The following DCX variants were observed in gnomAD, a reference collection of about 807,000 sequenced individuals.
DCX encodes neuronal migration protein doublecortin.
DCX carries 4 observed loss-of-function variants against 20.9 expected under a neutral mutation model. That is an observed-to-expected ratio of 0.19 (90% CI 0.09 to 0.44). The LOEUF is 0.44. DCX is among the 20% of genes least tolerant of loss of function. The pLI is 0.99. For missense variants in DCX, 133 were observed against 296.9 expected, an observed-to-expected ratio of 0.45 and a Z score of 4.06; for synonymous variants, 103 against 111.4, an observed-to-expected ratio of 0.92 and a Z score of 0.47.
At position 111,298,545 on chromosome X, in the gene DCX, G is replaced by A. The variant is rs756957490; in HGVS notation, c.*3142C>T. The A allele has an allele frequency of 8.9e-6, 1 of 111,866 alleles. No individual in the cohort carries two copies. The highest frequency in any genetic ancestry group is 3.3e-5 in the African/African-American group (1 of 30,686). The allele number at this position is 111,866 out of a possible 1,213,427, so 9.2% of individuals were successfully genotyped here. A position where few individuals can be genotyped will look rare whatever the true frequency, so the allele number is the denominator to read the frequency against. On this transcript the variant is annotated 3_prime_UTR_variant, in exon 7 of 7. Transcript: ENST00000636035. ...TTAGTGGGAAAAGGCCCTGGAATAA[G>A]AGCCAGGAGATGTGGGTTGTAAACC...
intron 3 of DCX, among the ~76,000 whole-genome samples, chrX:111,357,897 G>T (rs1163814807): frequency 2.7e-5 from 3 of 111,489 alleles, no homozygotes; most frequent in African/African-American, 9.8e-5. Flanking sequence ...ATGTGATCTT[G>T]GCTCACTGCA....
At chrX:111,327,992 G>T (rs1203482729) in intron 5 of DCX, among the ~76,000 whole-genome samples, 1 of 112,418 alleles carries the variant, frequency 8.9e-6, no homozygotes, top group Non-Finnish European at 1.9e-5. Flanking sequence ...TTGCCATAAA[G>T]ATTGTCTAGA....
At chrX:111,385,059 C>T (rs997095036) in intron 3 of DCX, among the ~76,000 whole-genome samples, 1 of 112,570 alleles carries the variant, frequency 8.9e-6, no homozygotes, top group Non-Finnish European at 1.9e-5. Context: ...TGGCAAATGC[C>T]CTGGAAAAGG....
chrX:111,355,086 G>C (rs1312113030), intron 3 of DCX, among the ~76,000 whole-genome samples: 1 of 112,565 alleles, frequency 8.9e-6, no homozygotes, highest in Non-Finnish European at 1.9e-5. Context: ...CCTACACATA[G>C]TTGAAAGAAA....
chrX:111,398,545 C>G (rs1288423124), intron 3 of DCX, among the ~76,000 whole-genome samples: 3 of 111,058 alleles, frequency 2.7e-5, no homozygotes, highest in Non-Finnish European at 5.7e-5. Flanking sequence ...CACTGGGCAC[C>G]ACTCTATTTC....
At chrX:111,368,084 G>C (rs1395834013) in intron 3 of DCX, among the ~76,000 whole-genome samples, 2 of 111,407 alleles carry the variant, frequency 1.8e-5, no homozygotes, top group East Asian at 5.7e-4. Context: ...CATGATCCCA[G>C]ACCTAGGAAC....
intron 2 of DCX, 51 bp from the exon 3 acceptor site, chrX:111,401,381 G>T: frequency 9.4e-7 from 1 of 1,062,313 alleles, no homozygotes; most frequent in Non-Finnish European, 1.3e-6. Context: ...CAGATATATG[G>T]ATTATTCTAA....
chrX:111,393,676 C>A (rs1355728837), intron 3 of DCX, among the ~76,000 whole-genome samples: 1 of 111,146 alleles, frequency 9.0e-6, no homozygotes, highest in African/African-American at 3.3e-5. Flanking sequence ...GGAAAATGAT[C>A]TGAACAGACA....
intron 6 of DCX, among the ~76,000 whole-genome samples, chrX:111,310,339 T>A (rs2095054790): frequency 1.8e-5 from 2 of 109,372 alleles, no homozygotes; most frequent in African/African-American, 3.3e-5. Flanking sequence ...TCTCAAAAAA[T>A]AAATAAATAA....
At chrX:111,409,146 T>C (rs1424023394) in intron 2 of DCX, among the ~76,000 whole-genome samples, 9 of 110,933 alleles carry the variant, frequency 8.1e-5, no homozygotes, top group Non-Finnish European at 1.7e-4. Context: ...TATCCACCAA[T>C]TTTAAAATAG....
At chrX:111,334,768 T>A in intron 3 of DCX, among the ~76,000 whole-genome samples, 1 of 112,020 alleles carries the variant, frequency 8.9e-6, no homozygotes, top group Non-Finnish European at 1.9e-5. Context: ...GGCCATGACT[T>A]CATGGAGCTC....
At chrX:111,372,227 A>C (rs1925154879) in intron 3 of DCX, among the ~76,000 whole-genome samples, 1 of 112,081 alleles carries the variant, frequency 8.9e-6, no homozygotes, top group South Asian at 3.7e-4. Flanking sequence ...GGAATAAAGA[A>C]CTGGGGGAAG....
At chrX:111,397,093 G>A (rs1347436449) in intron 3 of DCX, among the ~76,000 whole-genome samples, 1 of 111,775 alleles carries the variant, frequency 8.9e-6, no homozygotes, top group Non-Finnish European at 1.9e-5. Flanking sequence ...CAGATTGCTT[G>A]TCAATCAGTG....
At chrX:111,342,311 G>C (rs1397593362) in intron 3 of DCX, among the ~76,000 whole-genome samples, 1 of 60,918 alleles carries the variant, frequency 1.6e-5, no homozygotes, top group African/African-American at 5.3e-5. Flanking sequence ...AATTGTAAAG[G>C]GAACAATTCA....
chrX:111,382,272 C>T (rs1017386995), intron 3 of DCX, among the ~76,000 whole-genome samples: 7 of 111,726 alleles, frequency 6.3e-5, no homozygotes, highest in Admixed American at 9.5e-5. Context: ...AAGTTTGAGA[C>T]GCACTAGAGA....
At chrX:111,365,273 T>C (rs1001916303) in intron 3 of DCX, among the ~76,000 whole-genome samples, 1 of 109,557 alleles carries the variant, frequency 9.1e-6, no homozygotes, top group Admixed American at 9.9e-5. Context: ...TCACTCATTA[T>C]TTATGTAATT....
intron 2 of DCX, among the ~76,000 whole-genome samples, chrX:111,407,506 A>G: frequency 9.0e-6 from 1 of 111,686 alleles, no homozygotes; most frequent in African/African-American, 3.2e-5. Context: ...CATAGCCCTG[A>G]ATTTTCTTGA....
intron 5 of DCX, among the ~76,000 whole-genome samples, chrX:111,320,564 T>C (rs892777791): frequency 3.6e-5 from 4 of 111,410 alleles, no homozygotes; most frequent in African/African-American, 9.8e-5. Flanking sequence ...ATCTTCTCCT[T>C]AACTTGTCTC....
At chrX:111,388,778 T>C (rs1030916607) in intron 3 of DCX, among the ~76,000 whole-genome samples, 35 of 112,318 alleles carry the variant, frequency 3.1e-4, no homozygotes, top group African/African-American at 1.1e-3. Flanking sequence ...CCATGAACTA[T>C]GATGAAGGCT....
Sources: allele counts gnomAD v4.1 joint callset (sites outside exome capture counted in the v4.1 genomes callset), GRCh38; gene constraint gnomAD v4.1.1; transcripts MANE v1.5; gene names NCBI Gene and HGNC (gene_info 2026-07-23, HGNC 2026-07-21).